Variants in SGMS1 observed in about 807,000 individuals in gnomAD.
SGMS1 encodes sphingomyelin synthase 1.
In SGMS1, 13 loss-of-function variants were observed where a neutral mutation model predicts 46.2. The ratio of observed to expected loss-of-function variants is 0.28; its 90% CI spans 0.18 to 0.45. SGMS1 has a LOEUF of 0.45. Ranked by LOEUF, SGMS1 falls within the 20% of genes least tolerant of loss-of-function variation. The pLI is 1.00. For missense variants in SGMS1, 324 were observed against 519.9 expected, an observed-to-expected ratio of 0.62 and a Z score of 3.66; for synonymous variants, 203 against 187.8, an observed-to-expected ratio of 1.08 and a Z score of -0.66.
intron 3 of SGMS1, among the ~76,000 whole-genome samples, chr10:50,499,837 G>A (rs942147147): frequency 9.9e-5 from 15 of 152,160 alleles, no homozygotes; most frequent in African/African-American, 2.4e-4. Context: ...TATTTTAAAC[G>A]TATGGCTTAG....
At chr10:50,494,590 C>T (rs756934715) in intron 3 of SGMS1, among the ~76,000 whole-genome samples, 1 of 152,026 alleles carries the variant, frequency 6.6e-6, no homozygotes, top group South Asian at 2.1e-4. Context: ...AACACATGGA[C>T]ACGTAGAGGG....
chr10:50,329,835 T>C (rs1801639149), intron 7 of SGMS1, among the ~76,000 whole-genome samples: 1 of 152,190 alleles, frequency 6.6e-6, no homozygotes, highest in African/African-American at 2.4e-5. Flanking sequence ...CTGCACACAC[T>C]TGGCAAGGAC....
chr10:50,571,823 G>A (rs960820613), intron 2 of SGMS1, among the ~76,000 whole-genome samples: 3 of 151,890 alleles, frequency 2.0e-5, no homozygotes, highest in African/African-American at 2.4e-5. Context: ...AAATCACTCC[G>A]AGGCAAATGG....
At chr10:50,362,705 C>T (rs1273873142) in intron 6 of SGMS1, among the ~76,000 whole-genome samples, 1 of 152,092 alleles carries the variant, frequency 6.6e-6, no homozygotes, top group Non-Finnish European at 1.5e-5. Context: ...GTGTGACAAA[C>T]AGGAAGTTTA....
intron 4 of SGMS1, among the ~76,000 whole-genome samples, chr10:50,463,872 A>G (rs763981022): frequency 2.6e-5 from 4 of 152,238 alleles, no homozygotes; most frequent in Non-Finnish European, 5.9e-5. Flanking sequence ...ATATACTGCA[A>G]CATGGATGAA....
intron 1 of SGMS1, among the ~76,000 whole-genome samples, chr10:50,616,078 A>G (rs1564445169): frequency 6.6e-6 from 1 of 152,000 alleles, no homozygotes; most frequent in South Asian, 2.1e-4. Context: ...TTTATTATCA[A>G]CCCTTAAAAA....
intron 2 of SGMS1, among the ~76,000 whole-genome samples, chr10:50,541,561 G>A (rs1838052705): frequency 6.6e-6 from 1 of 152,162 alleles, no homozygotes. Context: ...CAAACACCTA[G>A]CTCAGCTTGC....
intron 6 of SGMS1, among the ~76,000 whole-genome samples, chr10:50,406,706 T>TC (rs1442098907): frequency 6.6e-6 from 1 of 150,868 alleles, no homozygotes; most frequent in South Asian, 2.1e-4. Context: ...CTATAATTCT[T>TC]TTTTTTTTTT....
intron 6 of SGMS1, among the ~76,000 whole-genome samples, chr10:50,399,631 G>A (rs1480880722): frequency 6.6e-6 from 1 of 152,188 alleles, no homozygotes; most frequent in African/African-American, 2.4e-5. Flanking sequence ...TATGTACAAT[G>A]TGAATAACTG....
intron 6 of SGMS1, among the ~76,000 whole-genome samples, chr10:50,404,014 T>A (rs987804752): frequency 3.3e-5 from 5 of 152,006 alleles, no homozygotes; most frequent in African/African-American, 1.2e-4. Context: ...GAAACAGGTA[T>A]AATACATATG....
intron 3 of SGMS1, among the ~76,000 whole-genome samples, chr10:50,505,968 C>A (rs961144138): frequency 6.6e-6 from 1 of 152,184 alleles, no homozygotes; most frequent in African/African-American, 2.4e-5. Context: ...CAGCCTTCTC[C>A]CAGTTGCTCA....
chr10:50,384,429 CTTCCTCCCTCT>C (rs1418761599), intron 6 of SGMS1, among the ~76,000 whole-genome samples: 1 of 149,712 alleles, frequency 6.7e-6, no homozygotes, highest in Non-Finnish European at 1.5e-5. Context: ...TCCTTTCCCT[CTTCCTCCCTCT>C]TTCCTCTCTT....
At chr10:50,619,180 T>C (rs898301269) in intron 1 of SGMS1, among the ~76,000 whole-genome samples, 3 of 151,636 alleles carry the variant, frequency 2.0e-5, no homozygotes, top group African/African-American at 4.9e-5. Context: ...TGTTTGCTAG[T>C]GGTAGCAGGA....
intron 9 of SGMS1, among the ~76,000 whole-genome samples, chr10:50,309,683 C>T (rs1450787387): frequency 3.9e-5 from 6 of 152,194 alleles, no homozygotes; most frequent in South Asian, 2.1e-4. Flanking sequence ...TATCTGCTCA[C>T]GTACTAAGTA....
intron 3 of SGMS1, among the ~76,000 whole-genome samples, chr10:50,504,056 T>G (rs549614524): frequency 6.6e-6 from 1 of 152,324 alleles, no homozygotes; most frequent in South Asian, 2.1e-4. Context: ...TGAGAGAGGA[T>G]TCTGAATGAG....
At chr10:50,481,937 C>A (rs1837480965) in intron 3 of SGMS1, among the ~76,000 whole-genome samples, 1 of 152,038 alleles carries the variant, frequency 6.6e-6, no homozygotes. Flanking sequence ...AGCTTGAAGA[C>A]TATTTTGCTG....
chr10:50,623,620 C>T, intron 1 of SGMS1, 87 bp downstream of exon 1: 1 of 985,430 alleles, frequency 1.0e-6, no homozygotes, highest in Non-Finnish European at 1.2e-6. Context: ...CCGCTGCTCC[C>T]CGGCATAAGG....
At chr10:50,330,516 AAAATTACT>A (rs1847606660) in intron 7 of SGMS1, among the ~76,000 whole-genome samples, 2 of 152,156 alleles carry the variant, frequency 1.3e-5, no homozygotes, top group Non-Finnish European at 2.9e-5. Context: ...GGGGTTAAAA[AAAATTACT>A]ATAGTGGAAA....
At chr10:50,412,712 T>C (rs1849118355) in intron 6 of SGMS1, among the ~76,000 whole-genome samples, 1 of 152,330 alleles carries the variant, frequency 6.6e-6, no homozygotes, top group African/African-American at 2.4e-5. Flanking sequence ...AGAGACATAA[T>C]ATCAAGAGTA....
Sources: allele counts gnomAD v4.1 joint callset (sites outside exome capture counted in the v4.1 genomes callset), GRCh38; gene constraint gnomAD v4.1.1; transcripts MANE v1.5; gene names NCBI Gene and HGNC (gene_info 2026-07-23, HGNC 2026-07-21).